The following ANKRD11 variants were observed in gnomAD, a reference collection of about 807,000 sequenced individuals.
ANKRD11 encodes ankyrin repeat domain 11, also known as ankyrin repeat domain-containing protein 11.
Under a neutral mutation model 195.7 loss-of-function variants are expected in ANKRD11, and 17 were observed. That is an observed-to-expected ratio of 0.09 (90% CI 0.06 to 0.13). ANKRD11 has a LOEUF of 0.13. ANKRD11 is among the 10% of genes least tolerant of loss of function. The probability of loss-of-function intolerance (pLI) is 1.00; values close to 1 mark genes in which losing one functional copy is unlikely to be tolerated. For synonymous variants in ANKRD11, 1,953 were observed against 1,528.1 expected (o/e 1.28, Z -6.49); for missense variants, 3,735 against 3,566.1 (o/e 1.05, Z -1.21).
At chr16:89,323,504 C>A (rs12932167) in intron 2 of ANKRD11, among the ~76,000 whole-genome samples, 1 of 48,952 alleles carries the variant, frequency 2.0e-5, no homozygotes, top group African/African-American at 1.1e-4. Context: ...GGGCAGAGCC[C>A]AGGGCAGGGG....
chr16:89,471,961 CA>C (rs894347545), intron 1 of ANKRD11, among the ~76,000 whole-genome samples: 3 of 152,062 alleles, frequency 2.0e-5, no homozygotes, highest in African/African-American at 7.2e-5. Context: ...GCAGCCCTGC[CA>C]AACATCACAT....
intron 2 of ANKRD11, among the ~76,000 whole-genome samples, chr16:89,333,436 C>T (rs1049383163): frequency 1.3e-5 from 2 of 152,124 alleles, no homozygotes; most frequent in East Asian, 1.9e-4. Flanking sequence ...GTTGGACGAA[C>T]GTATCCTGAT....
intron 1 of ANKRD11, among the ~76,000 whole-genome samples, chr16:89,465,509 G>A (rs189653412): frequency 3.9e-5 from 6 of 152,272 alleles, no homozygotes; most frequent in East Asian, 1.9e-4. Flanking sequence ...CACACCGCCC[G>A]CCCGCACACA....
Position 89,442,456 on chromosome 16 carries a change from A to C in ANKRD11, c.-144-24088T>G, listed in dbSNP as rs542828178. ...TTGGCTCAAGCTGGATCCTGAGTAA[A>C]AGACAATCCCACAAACGCCCCTTTA... is the stretch of plus-strand genomic sequence containing the variant. On this transcript the variant is annotated intron_variant, in intron 1 of 12. Coordinates refer to ENST00000301030, the MANE Select transcript of ANKRD11 (RefSeq NM_013275.6). Among the ~76,000 whole-genome samples, 888 of 152,264 alleles carry C rather than the reference A, an allele frequency of 5.8e-3. 8 individuals carry two copies. Among genetic ancestry groups the C allele is most frequent in the African/African-American group, 0.02 (830 of 41,548 alleles).
In ANKRD11 at chr16:89,291,511, G is replaced by C. The variant is rs2035063776; in HGVS notation, c.227-328C>G. ...CTCGTACCACACATGAATGCGGTGG[G>C]ACAGCTTAGCACCGGTGACCTGGCT... On this transcript the variant is annotated intron_variant, in intron 4 of 12. Transcript: ENST00000301030. This position sits in a 1 kb window ranked among gnomAD's most constrained non-coding sequence, Gnocchi z 5.3. Among the ~76,000 whole-genome samples, 1 of 152,174 alleles carries C rather than the reference G, an allele frequency of 6.6e-6. No homozygotes were observed. Among genetic ancestry groups the C allele is most frequent in the Non-Finnish European group, 1.5e-5 (1 of 68,034 alleles).
At chr16:89,373,321 A>G (rs1425253755) in intron 2 of ANKRD11, 1 of 152,266 alleles carries the variant, frequency 6.6e-6, no homozygotes, top group Non-Finnish European at 1.5e-5. Context: ...ACACAGCAAC[A>G]CCGGACCCCT....
rs1001824505 is a variant in ANKRD11, at chr16:89,280,557, G to A, written c.5985C>T (p.Cys1995=). 6.2e-7 allele frequency: 1 copy of A among 1,613,012 alleles called. No individual in the cohort carries two copies. The highest frequency in any genetic ancestry group is 1.3e-5 in the African/African-American group (1 of 74,908). ...QRFPESPKRF[C]PADPLHSAAP... ...CGGCAGAGTGGAGGGGGTCCGCGGG[G>A]CAGAAACGCTTTGGGGACTCGGGGA... Residue 1995 remains cysteine (C), a synonymous_variant, in exon 9 of 13, where the codon TGC becomes TGT. Coordinates refer to ENST00000301030, the MANE Select transcript of ANKRD11 (RefSeq NM_013275.6).
intron 12 of ANKRD11, among the ~76,000 whole-genome samples, chr16:89,269,011 A>ATTAC (rs1376190318): frequency 2.0e-5 from 3 of 152,224 alleles, no homozygotes; most frequent in Non-Finnish European, 4.4e-5. Context: ...TCATTTTACA[A>ATTAC]TTACTTACGG....
At chr16:89,333,634 C>A (rs1036726894) in intron 2 of ANKRD11, among the ~76,000 whole-genome samples, 2 of 152,136 alleles carry the variant, frequency 1.3e-5, no homozygotes, top group Admixed American at 6.5e-5. Context: ...TCCTTGGAGA[C>A]GGGCTGCTTT....
chr16:89,463,007 T>G (rs1445869239), intron 1 of ANKRD11, among the ~76,000 whole-genome samples: 5 of 128,648 alleles, frequency 3.9e-5, no homozygotes, highest in African/African-American at 1.2e-4. Context: ...GGTGGGGGGG[T>G]CAGCCCCCCG....
At position 89,470,186 on chromosome 16, in the gene ANKRD11, G is replaced by A. The variant is rs371867137; in HGVS notation, c.-145+20059C>T. On this transcript the variant is annotated intron_variant, in intron 1 of 12. Coordinates refer to ENST00000301030, the MANE Select transcript of ANKRD11 (RefSeq NM_013275.6). Reference sequence around the variant, plus strand: ...CTCCCAAAGCGCTGGGATTACAGGCGTGAGTCACCATGCCTATAATGTCAC... The same window carrying A: ...CTCCCAAAGCGCTGGGATTACAGGCATGAGTCACCATGCCTATAATGTCAC... Among the ~76,000 whole-genome samples the A allele has an allele frequency of 5.3e-5, 8 of 152,088 alleles. No individual in the cohort carries two copies. The South Asian group carries it at 8.3e-4, about 16-fold the overall frequency.
chr16:89,322,478 C>A (rs1567643338), intron 2 of ANKRD11, among the ~76,000 whole-genome samples: 2 of 152,238 alleles, frequency 1.3e-5, no homozygotes, highest in African/African-American at 4.8e-5. Context: ...CAGCCCCTCC[C>A]CTCACGCAGG....
At chr16:89,429,103 C>G (rs36056758) in intron 1 of ANKRD11, among the ~76,000 whole-genome samples, 53 of 151,098 alleles carry the variant, frequency 3.5e-4, no homozygotes, top group South Asian at 1.3e-3. Flanking sequence ...TCAACTCTCA[C>G]GCTCAGACGT....
intron 2 of ANKRD11, among the ~76,000 whole-genome samples, chr16:89,379,342 G>A (rs922033244): frequency 8.5e-5 from 13 of 152,152 alleles, no homozygotes; most frequent in African/African-American, 3.1e-4. Flanking sequence ...ATTTTAAATG[G>A]CTCAAATCAA....
At chr16:89,302,889 C>T (rs1891982682) in intron 4 of ANKRD11, among the ~76,000 whole-genome samples, 1 of 152,164 alleles carries the variant, frequency 6.6e-6, no homozygotes, top group Admixed American at 6.5e-5. Context: ...CCAGGAGCAC[C>T]CAGGGCTGTG....
intron 2 of ANKRD11, among the ~76,000 whole-genome samples, chr16:89,343,055 T>C (rs1392018169): frequency 6.6e-6 from 1 of 152,214 alleles, no homozygotes; most frequent in African/African-American, 2.4e-5. Flanking sequence ...AGTCTTGCTG[T>C]TGTCACCCAG....
At chr16:89,351,338 G>T (rs1036904301) in intron 2 of ANKRD11, among the ~76,000 whole-genome samples, 2 of 152,186 alleles carry the variant, frequency 1.3e-5, no homozygotes, top group African/African-American at 4.8e-5. Context: ...CATGGCCCTA[G>T]GGAAGGAAGA....
intron 1 of ANKRD11, among the ~76,000 whole-genome samples, chr16:89,452,262 T>G (rs2965947): frequency 6.6e-6 from 1 of 151,234 alleles, no homozygotes. Context: ...TGTCTCAAAA[T>G]AAAACAAAAA....
In ANKRD11 at chr16:89,450,548, T is replaced by C. The variant is rs1057341703; in HGVS notation, c.-144-32180A>G. On this transcript the variant is annotated intron_variant, in intron 1 of 12. Coordinates refer to ENST00000301030, the MANE Select transcript of ANKRD11 (RefSeq NM_013275.6). The stretch of plus-strand genomic sequence containing the variant: ...TAGACCCGCTTTGTTTTAGTACTGA[T>C]TGCAGAAGAGGGCTGACAATCCCAA... Among the ~76,000 whole-genome samples the C allele has an allele frequency of 8.5e-5, 13 of 152,232 alleles. No homozygotes were observed. The South Asian group carries it at 1.0e-3, about 12-fold the overall frequency.
Sources: allele counts gnomAD v4.1 joint callset (sites outside exome capture counted in the v4.1 genomes callset), GRCh38; gene constraint gnomAD v4.1.1; non-coding constraint Gnocchi (gnomAD v3.1); transcripts MANE v1.5; gene names NCBI Gene and HGNC (gene_info 2026-07-23, HGNC 2026-07-21).